TMEM109: variants seen among roughly 807,000 people sequenced by gnomAD.
TMEM109 encodes the protein voltage-gated monoatomic cation channel TMEM109.
TMEM109 carries 19 observed loss-of-function variants against 26.4 expected under a neutral mutation model. The ratio of observed to expected loss-of-function variants is 0.72; its 90% CI spans 0.50 to 1.06. The LOEUF (loss-of-function observed/expected upper bound fraction) is 1.06, where lower values mean the gene tolerates loss of function less well. Among genes scored for constraint, TMEM109 ranks in the 50% least tolerant of loss-of-function variants. TMEM109 has a pLI of 0.00. For missense variants in TMEM109, 262 were observed against 303.4 expected, an observed-to-expected ratio of 0.86 and a Z score of 1.01; for synonymous variants, 129 against 142.0, an observed-to-expected ratio of 0.91 and a Z score of 0.65.
At chr11:60,915,325 A>T (rs1856161873) in intron 1 of TMEM109, among the ~76,000 whole-genome samples, 1 of 152,246 alleles carries the variant, frequency 6.6e-6, no homozygotes, top group Non-Finnish European at 1.5e-5. Context: ...CAGGCAGGTT[A>T]AGTAACAGGC....
At chr11:60,915,357 C>T (rs1023811407) in intron 1 of TMEM109, among the ~76,000 whole-genome samples, 9 of 152,322 alleles carry the variant, frequency 5.9e-5, no homozygotes, top group African/African-American at 2.2e-4. Context: ...GCTTCTAGTC[C>T]GTGGCACACT....
rs1390015466 is a variant in TMEM109, at chr11:60,919,764, C to A, written c.71C>A (p.Ala24Asp). The A allele has an allele frequency of 1.2e-6, 2 of 1,614,024 alleles. No individual in the cohort carries two copies. Among genetic ancestry groups the A allele is most frequent in the South Asian group, 1.1e-5 (1 of 91,084 alleles). Reference sequence around the variant, plus strand: ...AAAGCCATTCTGATGGTCCTAGTGGCCCTTATCCTCCTCCACTCAGCATTG... The same window carrying A: ...AAAGCCATTCTGATGGTCCTAGTGGACCTTATCCTCCTCCACTCAGCATTG... ...VFKAILMVLV[A>D]LILLHSALAQ... Residue 24 changes from alanine (A) to aspartate (D), a missense_variant, in exon 2 of 4, where the codon GCC (alanine) becomes GAC (aspartate). Physicochemically the swap from Ala to Asp is moderately radical, Grantham distance 126 (BLOSUM62 -2). Transcript: ENST00000227525.
intron 1 of TMEM109, among the ~76,000 whole-genome samples, chr11:60,915,332 AGGCGTAAGGTAGT>A (rs1856161977): frequency 6.6e-6 from 1 of 152,244 alleles, no homozygotes; most frequent in South Asian, 2.1e-4. Context: ...GTTAAGTAAC[AGGCGTAAGGTAGT>A]AGCTTCTAGT....
Position 60,923,419 on chromosome 11 carries a change from T to C in TMEM109, c.*1254T>C, listed in dbSNP as rs746847075. 1.3e-5 allele frequency: 2 copies of C among 152,642 alleles called. No individual in the cohort carries two copies. The highest frequency in any genetic ancestry group is 2.9e-5 in the Non-Finnish European group (2 of 68,048). 9.5% of individuals were successfully genotyped at this position (152,642 alleles called of 1,614,324 possible). A position where few individuals can be genotyped will look rare whatever the true frequency, so the allele number is the denominator to read the frequency against. On this transcript the variant is annotated 3_prime_UTR_variant, in exon 4 of 4. Coordinates refer to ENST00000227525, the MANE Select transcript of TMEM109 (RefSeq NM_024092.3). ...AGTGCACGCTATTTTATTATCTTGT[T>C]CTGAATAAAATGTATTTACTCCAAG...
In TMEM109 at chr11:60,922,485, T is replaced by C. The variant is rs1048106761; in HGVS notation, c.*320T>C. The C allele has an allele frequency of 1.7e-5, 16 of 919,100 alleles. No individual in the cohort carries two copies. The Admixed American group carries it at 3.7e-4, about 21-fold the overall frequency. The allele number at this position is 919,100 out of a possible 1,614,324, so 56.9% of individuals were successfully genotyped here. A position where few individuals can be genotyped will look rare whatever the true frequency, so the allele number is the denominator to read the frequency against. ...TCTGCGCCAGCAAACATCACTGCCG[T>C]TGGTCTCTCATGACTTAACTGGCTT... is the stretch of plus-strand genomic sequence containing the variant. On this transcript the variant is annotated 3_prime_UTR_variant, in exon 4 of 4. Coordinates refer to ENST00000227525, the MANE Select transcript of TMEM109 (RefSeq NM_024092.3).
At chr11:60,917,508 C>T (rs1856185958) in intron 1 of TMEM109, among the ~76,000 whole-genome samples, 1 of 152,230 alleles carries the variant, frequency 6.6e-6, no homozygotes, top group Non-Finnish European at 1.5e-5. Flanking sequence ...TTACCTGCTT[C>T]AATGAGTTGG....
intron 1 of TMEM109, among the ~76,000 whole-genome samples, chr11:60,914,654 C>T (rs961316407): frequency 4.3e-4 from 65 of 152,368 alleles, no homozygotes; most frequent in African/African-American, 1.5e-3. Context: ...GGTCGCGCCA[C>T]GTTCCTTGCC....
chr11:60,922,545 C>T lies in TMEM109; in HGVS notation c.*380C>T, dbSNP rs552610101. The T allele has an allele frequency of 2.5e-5, 11 of 435,592 alleles. No homozygotes were observed. The Middle Eastern group carries it at 2.3e-3, about 92-fold the overall frequency. 27.0% of individuals were successfully genotyped at this position (435,592 alleles called of 1,614,324 possible). On this transcript the variant is annotated 3_prime_UTR_variant, in exon 4 of 4. Coordinates refer to ENST00000227525, the MANE Select transcript of TMEM109 (RefSeq NM_024092.3). ...GCTGCCTTGGCTTCCTCCTAATGCT[C>T]GTGCTCTCCTGTCCTTCTGAAGTTG...
In TMEM109 at chr11:60,919,418, G is replaced by A. The variant is rs890390358; in HGVS notation, c.-8-268G>A. 4.6e-5 allele frequency among the ~76,000 whole-genome samples: 7 copies of A among 152,158 alleles called. No individual in the cohort carries two copies. The East Asian group carries it at 1.2e-3, about 25-fold the overall frequency. On this transcript the variant is annotated intron_variant, in intron 1 of 3. Coordinates refer to ENST00000227525, the MANE Select transcript of TMEM109 (RefSeq NM_024092.3). ...GCACAAACCTTAGAGAGATCTTCTC[G>A]CCAACTCTAAAGTGTTGAATAATAC...
chr11:60,919,947 C>T lies in TMEM109; in HGVS notation c.237+17C>T. ...GTGTCAGAGGTAAGGAAGGTAGTCCCTGTGTGACTACACACATTAAGGAAA... is the reference window on the plus strand; with the variant it reads ...GTGTCAGAGGTAAGGAAGGTAGTCCTTGTGTGACTACACACATTAAGGAAA... On this transcript the variant is annotated intron_variant, in intron 2 of 3. Transcript: ENST00000227525. 6.3e-7 allele frequency: 1 copy of T among 1,599,188 alleles called. No individual in the cohort carries two copies. Among genetic ancestry groups the T allele is most frequent in the Non-Finnish European group, 8.6e-7 (1 of 1,166,546 alleles).
chr11:60,918,520 G>C (rs2134879012), intron 1 of TMEM109: 1 of 152,164 alleles, frequency 6.6e-6, no homozygotes, highest in East Asian at 1.9e-4. Context: ...CCATTCATGA[G>C]GGCTGAACCC....
rs1212324797 is a variant in TMEM109, at chr11:60,923,359, A to G, written c.*1194A>G. ...TGTGGAATCACAGCTGCAGTGATATATATTTTTTATCAGTGCTTGGTTGGT... is the reference window on the plus strand; with the variant it reads ...TGTGGAATCACAGCTGCAGTGATATGTATTTTTTATCAGTGCTTGGTTGGT... On this transcript the variant is annotated 3_prime_UTR_variant, in exon 4 of 4. Transcript: ENST00000227525. 1.3e-5 allele frequency: 2 copies of G among 152,664 alleles called. No homozygotes were observed. Among genetic ancestry groups the G allele is most frequent in the African/African-American group, 2.4e-5 (1 of 41,462 alleles). 9.5% of individuals were successfully genotyped at this position (152,664 alleles called of 1,614,324 possible).
intron 1 of TMEM109, among the ~76,000 whole-genome samples, chr11:60,915,273 C>T (rs1225132810): frequency 6.6e-6 from 1 of 152,254 alleles, no homozygotes; most frequent in Non-Finnish European, 1.5e-5. Flanking sequence ...AGCAACTCTT[C>T]ACCTGGGTTC....
intron 1 of TMEM109, 84 bp from the exon 2 acceptor site, chr11:60,919,601 TG>T: frequency 8.8e-7 from 1 of 1,132,494 alleles, no homozygotes; most frequent in Non-Finnish European, 1.3e-6. Flanking sequence ...GGGGTAGGGG[TG>T]GAGAAGGATG....
intron 1 of TMEM109, among the ~76,000 whole-genome samples, chr11:60,917,624 A>G (rs1480696975): frequency 6.6e-6 from 1 of 152,206 alleles, no homozygotes; most frequent in African/African-American, 2.4e-5. Context: ...GATGATTGGT[A>G]GATGCCAAGT....
In TMEM109 at chr11:60,919,722, G is replaced by A. The variant is rs760188680; in HGVS notation, c.29G>A (p.Trp10Ter). The change falls in exon 2 of 4, where the codon TGG (tryptophan) becomes TAG (stop). Residue 10 changes from tryptophan (W) to a stop codon, truncating the protein, a stop_gained. Transcript: ENST00000227525. LOFTEE classifies it high-confidence loss of function. MAASSISSP[W>*]GKHVFKAILM... ...GCAGCCTCCAGCATCAGTTCACCATGGGGAAAGCATGTGTTCAAAGCCATT... is the reference window on the plus strand; with the variant it reads ...GCAGCCTCCAGCATCAGTTCACCATAGGGAAAGCATGTGTTCAAAGCCATT... The A allele has an allele frequency of 6.2e-7, 1 of 1,614,180 alleles. No individual in the cohort carries two copies. Among genetic ancestry groups the A allele is most frequent in the South Asian group, 1.1e-5 (1 of 91,074 alleles).
chr11:60,920,858 C>A, intron 2 of TMEM109, 28 bp from the exon 3 acceptor site: 1 of 1,586,884 alleles, frequency 6.3e-7, no homozygotes, highest in African/African-American at 1.3e-5. Flanking sequence ...TCATTATGAA[C>A]TCATCTCGCT....
At chr11:60,921,073 C>T (rs768705988) in intron 3 of TMEM109, 85 bp downstream of exon 3, 2 of 1,235,736 alleles carry the variant, frequency 1.6e-6, no homozygotes, top group African/African-American at 3.0e-5. Context: ...AGGGTCTAGC[C>T]TTTTCCCCAA....
intron 2 of TMEM109, 63 bp from the exon 3 acceptor site, chr11:60,920,823 C>CA: frequency 1.5e-6 from 2 of 1,363,600 alleles, no homozygotes; most frequent in Admixed American, 3.4e-5. Flanking sequence ...CAGTGGTGAT[C>CA]AGGCGTGAAG....
Sources: gnomAD v4.1 joint callset for allele counts (sites outside exome capture counted in the v4.1 genomes callset) on GRCh38, gnomAD v4.1.1 for gene constraint, MANE v1.5 for transcripts, NCBI Gene and HGNC (gene_info 2026-07-23, HGNC 2026-07-21) for gene names.